Variants in PRLR observed in about 807,000 individuals in gnomAD.
PRLR encodes the protein prolactin receptor.
A neutral mutation model predicts 40.2 loss-of-function variants in PRLR; 13 were observed. That is an observed-to-expected ratio of 0.32 (90% CI 0.21 to 0.51). PRLR has a LOEUF of 0.51. Among genes scored for constraint, PRLR ranks in the 20% least tolerant of loss-of-function variants. The pLI, the probability that PRLR is intolerant of heterozygous loss-of-function variation, is 0.97. For missense variants in PRLR, 656 were observed against 747.3 expected (o/e 0.88, Z 1.42); for synonymous variants, 269 against 278.7 (o/e 0.97, Z 0.35).
chr5:35,226,951 G>T (rs1776569229), intron 1 of PRLR, among the ~76,000 whole-genome samples: 1 of 152,210 alleles, frequency 6.6e-6, no homozygotes, highest in Non-Finnish European at 1.5e-5. Context: ...ATGAAAACGT[G>T]CTCAGCACAG....
At chr5:35,137,488 G>T (rs988288008) in intron 1 of PRLR, among the ~76,000 whole-genome samples, 5 of 152,184 alleles carry the variant, frequency 3.3e-5, no homozygotes, top group Non-Finnish European at 5.9e-5. Context: ...CACCAGAAAG[G>T]TCCAGCGTTC....
Position 35,133,070 on chromosome 5 carries a change from G to T in PRLR, c.-105-14948C>A, listed in dbSNP as rs555362387. On this transcript the variant is annotated intron_variant, in intron 1 of 9. Coordinates refer to ENST00000618457, the MANE Select transcript of PRLR (RefSeq NM_000949.7). Reference sequence around the variant, plus strand: ...TGAGCTGGGACATCCCTCTATTCCTGCCCTTGGACTTCAGACCCCTGGTTC... The same window carrying T: ...TGAGCTGGGACATCCCTCTATTCCTTCCCTTGGACTTCAGACCCCTGGTTC... Among the ~76,000 whole-genome samples the T allele has an allele frequency of 4.6e-5, 7 of 152,224 alleles. No individual in the cohort carries two copies. In the South Asian group the frequency reaches 1.5e-3, roughly 32 times the overall value.
intron 1 of PRLR, among the ~76,000 whole-genome samples, chr5:35,193,024 C>A (rs1775646631): frequency 1.3e-5 from 2 of 152,154 alleles, no homozygotes; most frequent in African/African-American, 4.8e-5. Context: ...AGAGTCTGAG[C>A]CTGGCACATT....
At chr5:35,078,409 G>A (rs1271066658) in intron 5 of PRLR, among the ~76,000 whole-genome samples, 1 of 152,140 alleles carries the variant, frequency 6.6e-6, no homozygotes, top group African/African-American at 2.4e-5. Context: ...ACTACCATCA[G>A]AGAATACTAT....
chr5:35,158,390 A>T (rs2111894638), intron 1 of PRLR, among the ~76,000 whole-genome samples: 1 of 152,314 alleles, frequency 6.6e-6, no homozygotes. Flanking sequence ...GAGATAACTG[A>T]TGATTCACAG....
intron 2 of PRLR, among the ~76,000 whole-genome samples, chr5:35,103,930 G>C (rs1440121107): frequency 6.6e-6 from 1 of 152,134 alleles, no homozygotes; most frequent in African/African-American, 2.4e-5. Context: ...TTGCCTAAAA[G>C]ATCCTATTAT....
downstream of PRLR, among the ~76,000 whole-genome samples, chr5:35,052,121 TA>T (rs1444027803): frequency 1.3e-5 from 2 of 152,156 alleles, no homozygotes; most frequent in African/African-American, 4.8e-5. Context: ...AACTTACTTA[TA>T]AATCACCTCC....
At chr5:35,051,126 C>T (rs961896900), downstream of PRLR, among the ~76,000 whole-genome samples, 5 of 152,146 alleles carry the variant, frequency 3.3e-5, no homozygotes, top group African/African-American at 1.2e-4. Flanking sequence ...ATTGGACTTA[C>T]CGTGTTTTAG....
chr5:35,052,010 A>G (rs1361360853), downstream of PRLR, among the ~76,000 whole-genome samples: 2 of 152,228 alleles, frequency 1.3e-5, no homozygotes, highest in Non-Finnish European at 2.9e-5. Flanking sequence ...AGGATTGAAC[A>G]TTTAAATCTA....
rs189026778 is a variant in PRLR, at chr5:35,079,750, A to G, written c.373+4720T>C. Among the ~76,000 whole-genome samples, 147 of 152,360 alleles carry G rather than the reference A, an allele frequency of 9.6e-4. 2 individuals are homozygous for G. Among genetic ancestry groups the G allele is most frequent in the African/African-American group, 3.4e-3 (141 of 41,588 alleles). ...GCCAAAACAATCTTAAGCCAAAAGA[A>G]CAAAGCTGGAGGCGTCACACTACCT... is the stretch of plus-strand genomic sequence containing the variant. On this transcript the variant is annotated intron_variant, in intron 5 of 9. Transcript: ENST00000618457.
chr5:35,194,662 G>T (rs1470085593), intron 1 of PRLR, among the ~76,000 whole-genome samples: 2 of 152,184 alleles, frequency 1.3e-5, no homozygotes, highest in Non-Finnish European at 1.5e-5. Flanking sequence ...AGTGAAAGAA[G>T]CAGTCAGAAA....
At chr5:35,078,752 C>A (rs1353659800) in intron 5 of PRLR, among the ~76,000 whole-genome samples, 1 of 152,082 alleles carries the variant, frequency 6.6e-6, no homozygotes, top group Non-Finnish European at 1.5e-5. Context: ...AGAGACACAA[C>A]CAAAAAAGAG....
chr5:35,221,930 A>G (rs997610429), intron 1 of PRLR, among the ~76,000 whole-genome samples: 6 of 152,344 alleles, frequency 3.9e-5, no homozygotes, highest in African/African-American at 1.4e-4. Context: ...ACTGTCCTTC[A>G]GAAGAACTTC....
intron 2 of PRLR, among the ~76,000 whole-genome samples, chr5:35,115,013 G>C (rs1022240259): frequency 2.0e-5 from 3 of 152,174 alleles, no homozygotes; most frequent in African/African-American, 7.2e-5. Context: ...TCAGTCTCAA[G>C]ACATGGTATT....
chr5:35,187,129 G>A (rs1775461019), intron 1 of PRLR, among the ~76,000 whole-genome samples: 1 of 152,118 alleles, frequency 6.6e-6, no homozygotes, highest in Admixed American at 6.5e-5. Flanking sequence ...GGTCAGGCAT[G>A]GTGGCTTACA....
chr5:35,085,734 C>T (rs185362967), intron 4 of PRLR, among the ~76,000 whole-genome samples: 16 of 152,264 alleles, frequency 1.1e-4, no homozygotes, highest in Admixed American at 9.8e-4. Flanking sequence ...ATACAAATGG[C>T]ATAAGAATTA....
intron 2 of PRLR, among the ~76,000 whole-genome samples, chr5:35,097,481 T>A (rs954222708): frequency 1.3e-5 from 2 of 152,202 alleles, no homozygotes; most frequent in South Asian, 4.2e-4. Flanking sequence ...GTGAGTTGGA[T>A]ATGGAGGAAG....
At chr5:35,186,025 A>G (rs1374303250) in intron 1 of PRLR, among the ~76,000 whole-genome samples, 1 of 152,160 alleles carries the variant, frequency 6.6e-6, no homozygotes, top group Non-Finnish European at 1.5e-5. Context: ...GTCGCCATAT[A>G]TGGATCTACA....
At chr5:35,165,543 T>A (rs1386015873) in intron 1 of PRLR, among the ~76,000 whole-genome samples, 1 of 152,252 alleles carries the variant, frequency 6.6e-6, no homozygotes, top group African/African-American at 2.4e-5. Flanking sequence ...GGGTTTTTGA[T>A]GGTTCTGTTC....
Sources: allele counts gnomAD v4.1 joint callset (sites outside exome capture counted in the v4.1 genomes callset), GRCh38; gene constraint gnomAD v4.1.1; transcripts MANE v1.5; gene names NCBI Gene and HGNC (gene_info 2026-07-23, HGNC 2026-07-21).